The following LCA5 variants were observed in gnomAD, a reference collection of about 807,000 sequenced individuals.
The protein encoded by LCA5 is lebercilin.
Under a neutral mutation model 53.0 loss-of-function variants are expected in LCA5, and 37 were observed. That is an observed-to-expected ratio of 0.70 (90% CI 0.54 to 0.92). The LOEUF (loss-of-function observed/expected upper bound fraction) is 0.92, where lower values mean the gene tolerates loss of function less well. Among genes scored for constraint, LCA5 ranks in the 40% least tolerant of loss-of-function variants. The pLI, the probability that LCA5 is intolerant of heterozygous loss-of-function variation, is 0.00. For missense variants in LCA5, 806 were observed against 790.5 expected, an observed-to-expected ratio of 1.02 and a Z score of -0.23; for synonymous variants, 303 against 282.9, an observed-to-expected ratio of 1.07 and a Z score of -0.71.
intron 1 of LCA5, among the ~76,000 whole-genome samples, chr6:79,523,322 GA>G (rs529461874): frequency 2.0e-5 from 3 of 151,932 alleles, no homozygotes; most frequent in African/African-American, 4.8e-5. Context: ...ATTTACACAT[GA>G]AAAAAATTGT....
chr6:79,492,676 A>G, intron 4 of LCA5, 29 bp from the exon 5 acceptor site: 1 of 1,160,406 alleles, frequency 8.6e-7, no homozygotes, highest in Non-Finnish European at 1.3e-6. Flanking sequence ...CAATTAAGGA[A>G]GTAGAGCCTC....
intron 3 of LCA5, among the ~76,000 whole-genome samples, chr6:79,496,234 C>T (rs551888021): frequency 9.9e-5 from 15 of 152,282 alleles, no homozygotes; most frequent in South Asian, 2.1e-4. Context: ...TTTTGTTTTG[C>T]GGATGTATAA....
chr6:79,504,899 G>T (rs754749762), intron 3 of LCA5, among the ~76,000 whole-genome samples: 1 of 152,066 alleles, frequency 6.6e-6, no homozygotes, highest in South Asian at 2.1e-4. Flanking sequence ...TGAAAAAAAT[G>T]TATTGAACAA....
intron 1 of LCA5, among the ~76,000 whole-genome samples, chr6:79,533,718 A>G (rs760380618): frequency 7.3e-4 from 111 of 152,036 alleles, no homozygotes; most frequent in Non-Finnish European, 8.0e-4. Context: ...CAGAAAACAA[A>G]TCTAAGCTGT....
intron 6 of LCA5, among the ~76,000 whole-genome samples, chr6:79,491,321 C>T (rs1400016390): frequency 2.0e-5 from 3 of 151,990 alleles, no homozygotes. Context: ...GGTACATGTG[C>T]ACAACGTGCA....
At chr6:79,530,024 G>A (rs1766911452) in intron 1 of LCA5, among the ~76,000 whole-genome samples, 1 of 151,614 alleles carries the variant, frequency 6.6e-6, no homozygotes, top group Admixed American at 6.6e-5. Context: ...GTTAATGGGT[G>A]CAGCACACCA....
chr6:79,523,917 G>A lies in LCA5; in HGVS notation c.-191-4832C>T, dbSNP rs193265512. On this transcript the variant is annotated intron_variant, in intron 1 of 7. Coordinates refer to ENST00000369846, the MANE Select transcript of LCA5 (RefSeq NM_001122769.3). ...TAATGGCTTATACCTTTATATGTAC[G>A]CTATATCTTAAGTTAGCAATTTTAG... 1.2e-4 allele frequency among the ~76,000 whole-genome samples: 18 copies of A among 152,166 alleles called. No individual in the cohort carries two copies. In the East Asian group the frequency reaches 2.1e-3, roughly 18 times the overall value.
chr6:79,510,254 A>G (rs776396264), intron 3 of LCA5, among the ~76,000 whole-genome samples: 4 of 152,188 alleles, frequency 2.6e-5, no homozygotes, highest in Non-Finnish European at 5.9e-5. Flanking sequence ...TAAAGGAGGG[A>G]TATCTTTTTA....
chr6:79,520,997 T>C (rs1766608210), intron 1 of LCA5, among the ~76,000 whole-genome samples: 2 of 152,240 alleles, frequency 1.3e-5, no homozygotes, highest in South Asian at 4.1e-4. Flanking sequence ...GGAAATGTTC[T>C]ATAGTCTGTG....
intron 3 of LCA5, among the ~76,000 whole-genome samples, chr6:79,504,781 C>A (rs1770233102): frequency 6.6e-6 from 1 of 152,108 alleles, no homozygotes; most frequent in South Asian, 2.1e-4. Flanking sequence ...CTTTAAAAAG[C>A]ATGAGACTGA....
At chr6:79,501,011 T>C (rs1487775725) in intron 3 of LCA5, among the ~76,000 whole-genome samples, 1 of 152,144 alleles carries the variant, frequency 6.6e-6, no homozygotes, top group Non-Finnish European at 1.5e-5. Context: ...GACAAAGGTA[T>C]CACCATAGTG....
intron 2 of LCA5, 114 bp from the exon 3 acceptor site, chr6:79,513,855 A>C (rs1424246817): frequency 3.0e-6 from 3 of 1,008,108 alleles, no homozygotes; most frequent in Non-Finnish European, 4.6e-6. Context: ...GTCTTTAAGA[A>C]AGGATTTTAC....
chr6:79,508,606 T>C (rs748776232), intron 3 of LCA5, among the ~76,000 whole-genome samples: 42 of 144,266 alleles, frequency 2.9e-4, no homozygotes, highest in Admixed American at 5.6e-4. Flanking sequence ...TATCTTAAAA[T>C]AAAACAAAAA....
At chr6:79,520,792 T>C (rs761628305) in intron 1 of LCA5, among the ~76,000 whole-genome samples, 10 of 152,200 alleles carry the variant, frequency 6.6e-5, no homozygotes, top group Non-Finnish European at 1.2e-4. Context: ...GTATTGCTCA[T>C]AGTCTGGCAT....
At chr6:79,504,313 T>A (rs1340749245) in intron 3 of LCA5, among the ~76,000 whole-genome samples, 2 of 152,166 alleles carry the variant, frequency 1.3e-5, no homozygotes, top group Non-Finnish European at 2.9e-5. Context: ...AGCCAACATA[T>A]ATATTAATGT....
rs1209865934 is a variant in LCA5, at chr6:79,485,852, TA to T, written c.*1151del. The T allele has an allele frequency of 6.6e-6, 1 of 152,166 alleles. No individual in the cohort carries two copies. The highest frequency in any genetic ancestry group is 1.5e-5 in the Non-Finnish European group (1 of 68,018). The allele number at this position is 152,166 out of a possible 1,614,324, so 9.4% of individuals were successfully genotyped here. ...GGGCTGGTGGTATATTACTGCTTTT[TA>T]AAGACCAATCATACCCAGCATGATC... On this transcript the variant is annotated 3_prime_UTR_variant, in exon 8 of 8. Transcript: ENST00000369846.
chr6:79,497,184 G>T (rs146090304), intron 3 of LCA5, among the ~76,000 whole-genome samples: 2 of 152,058 alleles, frequency 1.3e-5, no homozygotes, highest in African/African-American at 4.8e-5. Context: ...GATAAATACC[G>T]GATCAGAAAA....
At chr6:79,511,904 C>T (rs1770417729) in intron 3 of LCA5, among the ~76,000 whole-genome samples, 1 of 152,120 alleles carries the variant, frequency 6.6e-6, no homozygotes. Context: ...ACTTCTTATT[C>T]CTTCTTTTTC....
In LCA5 at chr6:79,485,794, C is replaced by T. The variant is rs1389276468; in HGVS notation, c.*1210G>A. ...TTTATTCTTCCCAACACACTATTTC[C>T]ACCACTCTTCATTTTAACAATGTTT... On this transcript the variant is annotated 3_prime_UTR_variant, in exon 8 of 8. Coordinates refer to ENST00000369846, the MANE Select transcript of LCA5 (RefSeq NM_001122769.3). 1.3e-5 allele frequency: 2 copies of T among 152,002 alleles called. No individual in the cohort carries two copies. Among genetic ancestry groups the T allele is most frequent in the African/African-American group, 4.8e-5 (2 of 41,358 alleles). The allele number at this position is 152,002 out of a possible 1,614,324, so 9.4% of individuals were successfully genotyped here. A position where few individuals can be genotyped will look rare whatever the true frequency, so the allele number is the denominator to read the frequency against.
Sources: gnomAD v4.1 joint callset for allele counts (sites outside exome capture counted in the v4.1 genomes callset) on GRCh38, gnomAD v4.1.1 for gene constraint, MANE v1.5 for transcripts, NCBI Gene and HGNC (gene_info 2026-07-23, HGNC 2026-07-21) for gene names.